TCF20: variants seen among roughly 807,000 people sequenced by gnomAD.
TCF20 encodes the protein transcription factor 20.
Under a neutral mutation model 148.6 loss-of-function variants are expected in TCF20, and 3 were observed. That is an observed-to-expected ratio of 0.02 (90% CI 0.01 to 0.05). The LOEUF (loss-of-function observed/expected upper bound fraction) is 0.05, where lower values mean the gene tolerates loss of function less well. Among genes scored for constraint, TCF20 ranks in the 10% least tolerant of loss-of-function variants. The pLI is 1.00. For synonymous variants in TCF20, 1,049 were observed against 909.5 expected (o/e 1.15, Z -2.76); for missense variants, 2,350 against 2,429.3 (o/e 0.97, Z 0.69).
intron 1 of TCF20, among the ~76,000 whole-genome samples, chr22:42,336,701 T>G (rs1462408586): frequency 6.6e-6 from 1 of 152,082 alleles, no homozygotes; most frequent in East Asian, 1.9e-4. Context: ...CCAGCCACAA[T>G]GGCCTCCTTT....
At chr22:42,276,592 C>G (rs1926784315) in intron 1 of TCF20, 2 of 152,212 alleles carry the variant, frequency 1.3e-5, no homozygotes, top group African/African-American at 2.4e-5. Context: ...ATAGAAGGCA[C>G]CAGGACACAG....
chr22:42,235,217 A>G (rs914537486), intron 1 of TCF20, among the ~76,000 whole-genome samples: 2 of 152,018 alleles, frequency 1.3e-5, no homozygotes, highest in Non-Finnish European at 2.9e-5. Context: ...CATAACTATG[A>G]TAAGGAGGGT....
intron 1 of TCF20, among the ~76,000 whole-genome samples, chr22:42,255,739 CT>C (rs1925705797): frequency 6.6e-6 from 1 of 152,100 alleles, no homozygotes; most frequent in African/African-American, 2.4e-5. Flanking sequence ...AATTCATCAT[CT>C]GTTTCCGGCC....
At chr22:42,286,593 CTT>C (rs1231010496), upstream of TCF20, among the ~76,000 whole-genome samples, 2 of 152,226 alleles carry the variant, frequency 1.3e-5, no homozygotes, top group East Asian at 3.8e-4. Context: ...AGCAAGATTA[CTT>C]TATCTGATCA....
chr22:42,258,014 TATATG>T (rs1377451313), intron 1 of TCF20, among the ~76,000 whole-genome samples: 1 of 152,172 alleles, frequency 6.6e-6, no homozygotes, highest in East Asian at 1.9e-4. Context: ...ATTGCTCTAA[TATATG>T]GGGAACAGTG....
intron 3 of TCF20, among the ~76,000 whole-genome samples, chr22:42,173,335 A>G (rs1255935736): frequency 3.3e-5 from 5 of 152,078 alleles, no homozygotes; most frequent in Admixed American, 3.3e-4. Context: ...CAAGCAACAC[A>G]AAACAGCTGA....
intron 1 of TCF20, chr22:42,343,411 G>A (rs1380095400): frequency 6.6e-6 from 1 of 151,748 alleles, no homozygotes; most frequent in African/African-American, 2.4e-5. Context: ...CGGATGCTGG[G>A]CGGGCATCGG....
At chr22:42,237,080 C>T (rs550993442) in intron 1 of TCF20, among the ~76,000 whole-genome samples, 14 of 152,198 alleles carry the variant, frequency 9.2e-5, no homozygotes, top group Admixed American at 5.9e-4. Flanking sequence ...TCTGACGCAT[C>T]GACTGGCTCT....
intron 1 of TCF20, among the ~76,000 whole-genome samples, chr22:42,318,156 C>A (rs942881144): frequency 6.6e-6 from 1 of 152,254 alleles, no homozygotes; most frequent in Non-Finnish European, 1.5e-5. Context: ...GCTAATTAGC[C>A]GCACATCTCT....
intron 1 of TCF20, among the ~76,000 whole-genome samples, chr22:42,259,264 CAT>C (rs576940296): frequency 2.6e-4 from 40 of 152,298 alleles, no homozygotes; most frequent in African/African-American, 9.4e-4. Context: ...GCAAGAATAA[CAT>C]AACTCCCTGG....
intron 3 of TCF20, among the ~76,000 whole-genome samples, chr22:42,170,518 C>T (rs1204321513): frequency 1.4e-5 from 2 of 145,358 alleles, no homozygotes; most frequent in South Asian, 4.5e-4. Flanking sequence ...AAAAAAACTA[C>T]TTGGGAGGCT....
At chr22:42,326,756 G>A (rs907479961) in intron 1 of TCF20, among the ~76,000 whole-genome samples, 12 of 152,216 alleles carry the variant, frequency 7.9e-5, no homozygotes, top group African/African-American at 2.7e-4. Context: ...GAGCTGCCAT[G>A]TCCCCTCTTA....
At chr22:42,193,708 T>C (rs1457744383) in intron 2 of TCF20, among the ~76,000 whole-genome samples, 1 of 152,096 alleles carries the variant, frequency 6.6e-6, no homozygotes, top group Non-Finnish European at 1.5e-5. Flanking sequence ...TAACTCCATT[T>C]TACAGGTTAA....
chr22:42,216,314 C>T (rs1471258222), intron 1 of TCF20, among the ~76,000 whole-genome samples: 2 of 151,968 alleles, frequency 1.3e-5, no homozygotes, highest in Non-Finnish European at 2.9e-5. Flanking sequence ...GGCTGCTGAT[C>T]GCCACTCCCC....
chr22:42,185,621 T>C (rs1403138113), intron 2 of TCF20, among the ~76,000 whole-genome samples: 1 of 152,206 alleles, frequency 6.6e-6, no homozygotes, highest in African/African-American at 2.4e-5. Flanking sequence ...CTAGATGGGC[T>C]ACATACAAGG....
chr22:42,258,406 C>T (rs1198067548), intron 1 of TCF20, among the ~76,000 whole-genome samples: 1 of 152,154 alleles, frequency 6.6e-6, no homozygotes, highest in Non-Finnish European at 1.5e-5. Context: ...TCTTACTACC[C>T]AACGCCAATC....
rs370965738 is a variant in TCF20, at chr22:42,323,957, T to C, written c.-37+19522A>G. 6.4e-4 allele frequency among the ~76,000 whole-genome samples: 47 copies of C among 73,324 alleles called. 4 individuals are homozygous for C. Among genetic ancestry groups the C allele is most frequent in the South Asian group, 1.1e-3 (2 of 1,894 alleles). 48.1% of individuals were successfully genotyped at this position (73,324 alleles called of 152,430 possible). A position where few individuals can be genotyped will look rare whatever the true frequency, so the allele number is the denominator to read the frequency against. ...GTGGTGGTGGTGATGGAGGTTATGG[T>C]GGTGGTGGTGATGGTGGTGGTGGAG... is the stretch of plus-strand genomic sequence containing the variant. On this transcript the variant is annotated intron_variant, in intron 1 of 1. Transcript: ENST00000515426.
In TCF20 at chr22:42,321,970, AT is replaced by A. The variant is rs1270973012; in HGVS notation, c.-37+21508del. 7.3e-5 allele frequency among the ~76,000 whole-genome samples: 11 copies of A among 151,688 alleles called. No homozygotes were observed. The East Asian group carries it at 2.1e-3, about 29-fold the overall frequency. ...TTAAAAAAAAAAAAAGATAATAAAAATTAAAAAGTAGGGAGACTAACACCTA... is the reference window on the plus strand; with the variant it reads ...TTAAAAAAAAAAAAAGATAATAAAAATAAAAAGTAGGGAGACTAACACCTA... On this transcript the variant is annotated intron_variant, in intron 1 of 1. Coordinates refer to the TCF20 transcript ENST00000515426.
intron 1 of TCF20, among the ~76,000 whole-genome samples, chr22:42,305,366 T>C (rs1172073985): frequency 6.6e-6 from 1 of 152,066 alleles, no homozygotes; most frequent in Non-Finnish European, 1.5e-5. Flanking sequence ...ATCCCACCCC[T>C]TAACCCCCAG....
Sources: allele counts gnomAD v4.1 joint callset (sites outside exome capture counted in the v4.1 genomes callset), GRCh38; gene constraint gnomAD v4.1.1; transcripts MANE v1.5; gene names NCBI Gene and HGNC (gene_info 2026-07-23, HGNC 2026-07-21).